Variants in BRD10 observed in about 807,000 individuals in gnomAD.
The protein encoded by BRD10 is uncharacterized bromodomain-containing protein 10.
chr9:5,952,088 T>C, the BRD10 span, among the ~76,000 whole-genome samples: 7 of 152,088 alleles, frequency 4.6e-5, no homozygotes, highest in East Asian at 1.9e-4. Flanking sequence ...TGGCGTGATG[T>C]TGGCTCACTG....
the BRD10 span, among the ~76,000 whole-genome samples, chr9:5,993,307 T>G: frequency 1.2e-5 from 1 of 85,598 alleles, no homozygotes; most frequent in Non-Finnish European, 2.3e-5. Context: ...AGAGTGAGAC[T>G]CCATTAAAAA....
At chr9:5,972,094 G>A in the BRD10 span, among the ~76,000 whole-genome samples, 1 of 152,124 alleles carries the variant, frequency 6.6e-6, no homozygotes, top group East Asian at 1.9e-4. Context: ...ATCTCTAAGG[G>A]AATGCACCTT....
At chr9:5,924,221 G>A in the BRD10 span, among the ~76,000 whole-genome samples, 1 of 152,072 alleles carries the variant, frequency 6.6e-6, no homozygotes, top group East Asian at 1.9e-4. Flanking sequence ...GGCAATGACA[G>A]GCCTACAGTT....
At chr9:5,915,383 A>T in the BRD10 span, among the ~76,000 whole-genome samples, 1 of 152,202 alleles carries the variant, frequency 6.6e-6, no homozygotes, top group African/African-American at 2.4e-5. Flanking sequence ...TATCTCATCT[A>T]ACTTCACAGC....
chr9:5,962,119 G>A, the BRD10 span, among the ~76,000 whole-genome samples: 1 of 152,080 alleles, frequency 6.6e-6, no homozygotes, highest in East Asian at 1.9e-4. Context: ...GGCATTTAGT[G>A]CTATAAATTT....
the BRD10 span, among the ~76,000 whole-genome samples, chr9:5,951,713 T>C: frequency 6.6e-6 from 1 of 152,192 alleles, no homozygotes; most frequent in African/African-American, 2.4e-5. Flanking sequence ...ACACACTACA[T>C]AAAATTATTT....
At chr9:5,880,339 C>G in the BRD10 span, among the ~76,000 whole-genome samples, 1 of 152,122 alleles carries the variant, frequency 6.6e-6, no homozygotes, top group East Asian at 2.0e-4. Flanking sequence ...TGGTGAAACC[C>G]TGTCTCTACT....
the BRD10 span, chr9:6,007,146 G>A: frequency 1.3e-6 from 2 of 1,557,820 alleles, no homozygotes; most frequent in Non-Finnish European, 1.8e-6. Context: ...ACGTGTGAGT[G>A]TGTGTTTGTG....
the BRD10 span, among the ~76,000 whole-genome samples, chr9:5,931,790 A>G: frequency 0.24 from 36,558 of 152,114 alleles, 4,543 homozygotes; most frequent in South Asian, 0.37. Context: ...TATAATGACC[A>G]CAACAAAGGG....
At chr9:5,981,506 T>C in the BRD10 span, among the ~76,000 whole-genome samples, 1 of 152,176 alleles carries the variant, frequency 6.6e-6, no homozygotes, top group Non-Finnish European at 1.5e-5. Flanking sequence ...AGAGAAGACA[T>C]TAAGCAGGCA....
At chr9:5,893,840 G>A in the BRD10 span, among the ~76,000 whole-genome samples, 5 of 152,122 alleles carry the variant, frequency 3.3e-5, no homozygotes, top group African/African-American at 9.7e-5. Flanking sequence ...GAAAGCAGGA[G>A]GTGAAGGAGA....
chr9:5,906,472 T>A, the BRD10 span, among the ~76,000 whole-genome samples: 1 of 152,262 alleles, frequency 6.6e-6, no homozygotes, highest in African/African-American at 2.4e-5. Context: ...ACTTCAAAAG[T>A]TTCCTGCAAG....
At chr9:6,007,660 TG>T in the BRD10 span, 1 of 1,606,388 alleles carries the variant, frequency 6.2e-7, no homozygotes, top group Non-Finnish European at 8.5e-7. Context: ...ACTCCTTCCG[TG>T]GGCCGGCCCT....
the BRD10 span, chr9:5,920,680 T>A: frequency 6.2e-7 from 1 of 1,613,992 alleles, no homozygotes; most frequent in Non-Finnish European, 8.5e-7. Context: ...ATACAGAACG[T>A]GTGGCTCCTG....
At chr9:5,922,228 T>G in the BRD10 span, 1 of 1,613,988 alleles carries the variant, frequency 6.2e-7, no homozygotes, top group Non-Finnish European at 8.5e-7. Context: ...CAGTCTGTTG[T>G]GCAAAACAGT....
At chr9:5,964,742 T>C in the BRD10 span, among the ~76,000 whole-genome samples, 304 of 110,896 alleles carry the variant, frequency 2.7e-3, no homozygotes, top group East Asian at 3.3e-3. Flanking sequence ...AATGATGAGT[T>C]CATGTCCTTT....
At chr9:6,001,886 T>C in the BRD10 span, among the ~76,000 whole-genome samples, 13 of 152,320 alleles carry the variant, frequency 8.5e-5, no homozygotes, top group African/African-American at 3.1e-4. Flanking sequence ...CCAAGATTTA[T>C]CACCTAAAAT....
the BRD10 span, among the ~76,000 whole-genome samples, chr9:5,901,071 A>G: frequency 6.6e-6 from 1 of 152,168 alleles, no homozygotes; most frequent in Non-Finnish European, 1.5e-5. Flanking sequence ...GTAAATACAG[A>G]GAACTGGCAG....
the BRD10 span, among the ~76,000 whole-genome samples, chr9:5,989,518 C>T: frequency 6.7e-6 from 1 of 149,574 alleles, no homozygotes; most frequent in Non-Finnish European, 1.5e-5. Context: ...ATAAAATAGG[C>T]TAAAGGTTCA....
Sources: gnomAD v4.1 joint callset for allele counts (sites outside exome capture counted in the v4.1 genomes callset) on GRCh38, gnomAD v4.1.1 for gene constraint, MANE v1.5 for transcripts, NCBI Gene and HGNC (gene_info 2026-07-23, HGNC 2026-07-21) for gene names.